The following TPCN1 variants were observed in gnomAD, a reference collection of about 807,000 sequenced individuals.
TPCN1 encodes two pore channel protein 1.
In TPCN1, 52 loss-of-function variants were observed where a neutral mutation model predicts 108.8. The ratio of observed to expected loss-of-function variants is 0.48; its 90% confidence interval spans 0.38 to 0.60. The LOEUF is 0.60. Ranked by LOEUF, TPCN1 falls within the 20% of genes least tolerant of loss-of-function variation. The pLI, the probability that TPCN1 is intolerant of heterozygous loss-of-function variation, is 0.00. For missense variants in TPCN1, 806 were observed against 1,072.8 expected (o/e 0.75, Z 3.47); for synonymous variants, 446 against 433.7 (o/e 1.03, Z -0.35).
intron 25 of TPCN1, 78 bp from the exon 26 acceptor site, chr12:113,292,856 G>C: frequency 6.5e-7 from 1 of 1,530,302 alleles, no homozygotes; most frequent in Non-Finnish European, 8.8e-7. Context: ...TGCGGAAGGG[G>C]GCAAGGAGGT....
chr12:113,256,284 T>C (rs1954828916), intron 2 of TPCN1, among the ~76,000 whole-genome samples: 1 of 151,948 alleles, frequency 6.6e-6, no homozygotes, highest in Non-Finnish European at 1.5e-5. Flanking sequence ...TTTTTTTACT[T>C]TTTAAATTTT....
At chr12:113,285,202 C>T (rs1428641705) in intron 17 of TPCN1, among the ~76,000 whole-genome samples, 1 of 152,224 alleles carries the variant, frequency 6.6e-6, no homozygotes, top group Non-Finnish European at 1.5e-5. Flanking sequence ...CTGTTGGCGT[C>T]TTTCCTCCCA....
At chr12:113,244,609 A>G in intron 2 of TPCN1, 1 of 985,198 alleles carries the variant, frequency 1.0e-6, no homozygotes, top group Non-Finnish European at 1.2e-6. Context: ...CATCAGTGTC[A>G]CTCTGGTTTA....
Position 113,221,599 on chromosome 12 carries a change from C to T in TPCN1, c.-153C>T, listed in dbSNP as rs1261102562. On this transcript the variant is annotated 5_prime_UTR_variant, in exon 1 of 28. Coordinates refer to ENST00000335509, the MANE Select transcript of TPCN1 (RefSeq NM_017901.6). ...AGGCTGCGCGGTGCGGACCCCGGCG[C>T]GCGGTCCGGGTTGCTGGGGCGGCGC... The T allele has an allele frequency of 1.1e-5, 2 of 181,262 alleles. No individual in the cohort carries two copies. Among genetic ancestry groups the T allele is most frequent in the Non-Finnish European group, 1.1e-5 (1 of 87,830 alleles). 11.2% of individuals were successfully genotyped at this position (181,262 alleles called of 1,614,324 possible).
intron 2 of TPCN1, among the ~76,000 whole-genome samples, chr12:113,242,038 C>T (rs1341523350): frequency 3.9e-5 from 6 of 152,096 alleles, no homozygotes; most frequent in Admixed American, 1.3e-4. Flanking sequence ...AGAAATTACC[C>T]GTGGACATCT....
chr12:113,251,590 G>A (rs1014582161), intron 2 of TPCN1, among the ~76,000 whole-genome samples: 1 of 152,268 alleles, frequency 6.6e-6, no homozygotes, highest in African/African-American at 2.4e-5. Context: ...CCCGTGGGGG[G>A]GCTCCAGCCA....
intron 13 of TPCN1, 31 bp downstream of exon 13, chr12:113,278,268 T>G: frequency 6.2e-7 from 1 of 1,606,176 alleles, no homozygotes; most frequent in Non-Finnish European, 8.5e-7. Flanking sequence ...ATAGAAGGAG[T>G]AGACAGAGAG....
At chr12:113,244,901 C>T (rs1035856101) in intron 2 of TPCN1, among the ~76,000 whole-genome samples, 19 of 152,038 alleles carry the variant, frequency 1.2e-4, no homozygotes, top group African/African-American at 4.3e-4. Context: ...GGTTCTGTTT[C>T]GTCTCACAGA....
intron 24 of TPCN1, 30 bp from the exon 25 acceptor site, chr12:113,291,844 C>CACA: frequency 6.3e-7 from 1 of 1,587,532 alleles, no homozygotes; most frequent in Non-Finnish European, 8.7e-7. Context: ...CCTCCCCTGC[C>CACA]TCTGCCCCTC....
At position 113,284,738 on chromosome 12, in the gene TPCN1, C is replaced by A. The variant is rs140244457; in HGVS notation, c.1420C>A (p.His474Asn). 1.2e-6 allele frequency: 2 copies of A among 1,614,116 alleles called. No individual in the cohort carries two copies. Among genetic ancestry groups the A allele is most frequent in the Non-Finnish European group, 1.7e-6 (2 of 1,180,052 alleles). The stretch of plus-strand genomic sequence containing the variant: ...TACAGGTGGGAACTTCTTCTCCAAG[C>A]ACGTGCCCTGGAGTTACCTCGTCTT... ...MLKGGNFFSK[H>N]VPWSYLVFLT... The change falls in exon 17 of 28, where the codon CAC (histidine) becomes AAC (asparagine). Residue 474 changes from histidine (H) to asparagine (N), a missense_variant. By Grantham distance (68) the His-to-Asn change is moderately conservative (BLOSUM62 1). Transcript: ENST00000335509. The surrounding 1 kb of genome is among the most constrained non-coding windows in gnomAD (Gnocchi z 4.1).
chr12:113,260,345 A>AT, intron 2 of TPCN1, 23 bp from the exon 3 acceptor site: 1 of 1,478,838 alleles, frequency 6.8e-7, no homozygotes, highest in Non-Finnish European at 9.0e-7. Flanking sequence ...TGCCAAGTGA[A>AT]TCTCTCTCCT....
Position 113,239,001 on chromosome 12 carries a change from G to A in TPCN1, c.112+12037G>A, listed in dbSNP as rs555184960. Reference sequence around the variant, plus strand: ...TAAAAAAAGTTAGCCAGGTGTGGTGGTGCACACCTGTAGTCTCAGCTCCTT... The same window carrying A: ...TAAAAAAAGTTAGCCAGGTGTGGTGATGCACACCTGTAGTCTCAGCTCCTT... On this transcript the variant is annotated intron_variant, in intron 2 of 27. Coordinates refer to ENST00000335509, the MANE Select transcript of TPCN1 (RefSeq NM_017901.6). Among the ~76,000 whole-genome samples, 371 of 152,192 alleles carry A rather than the reference G, an allele frequency of 2.4e-3. 4 individuals are homozygous for A. Among genetic ancestry groups the A allele is most frequent in the African/African-American group, 8.3e-3 (346 of 41,520 alleles).
intron 3 of TPCN1, among the ~76,000 whole-genome samples, chr12:113,263,406 A>C (rs1593146340): frequency 6.6e-6 from 1 of 152,130 alleles, no homozygotes; most frequent in Non-Finnish European, 1.5e-5. Context: ...AATTACAGGC[A>C]CCTGCCGCCA....
chr12:113,222,558 A>C (rs138515444), intron 1 of TPCN1, among the ~76,000 whole-genome samples: 1,601 of 152,326 alleles, frequency 0.011, 25 homozygotes, highest in African/African-American at 0.036. Flanking sequence ...CATGGGGGCA[A>C]AAATCACCCC....
chr12:113,274,686 G>C (rs1407649779), intron 10 of TPCN1, among the ~76,000 whole-genome samples: 1 of 152,176 alleles, frequency 6.6e-6, no homozygotes, highest in East Asian at 1.9e-4. Flanking sequence ...CTTTACATAT[G>C]AGGATGAAAT....
rs972462318 is a variant in TPCN1, at chr12:113,284,679, C to T, written c.1400-39C>T. 3.1e-6 allele frequency: 5 copies of T among 1,614,094 alleles called. No individual in the cohort carries two copies. The African/African-American group carries it at 6.7e-5, about 22-fold the overall frequency. On this transcript the variant is annotated intron_variant, in intron 16 of 27. Coordinates refer to ENST00000335509, the MANE Select transcript of TPCN1 (RefSeq NM_017901.6). The surrounding 1 kb of genome is among the most constrained non-coding windows in gnomAD (Gnocchi z 4.1). ...GACTGGCCGTGTCCTGGCCGGCACACCTGGCTTACCTGTGAGCTGCTACTT... is the reference window on the plus strand; with the variant it reads ...GACTGGCCGTGTCCTGGCCGGCACATCTGGCTTACCTGTGAGCTGCTACTT...
chr12:113,259,395 G>C (rs1317323816), intron 2 of TPCN1, among the ~76,000 whole-genome samples: 2 of 152,208 alleles, frequency 1.3e-5, no homozygotes, highest in African/African-American at 4.8e-5. Context: ...GTTGTTTACT[G>C]TGTGTAAACT....
intron 23 of TPCN1, among the ~76,000 whole-genome samples, chr12:113,291,311 G>A (rs1054261439): frequency 2.0e-5 from 3 of 152,246 alleles, no homozygotes; most frequent in African/African-American, 7.2e-5. Flanking sequence ...TAGTGACAAA[G>A]TGGCGAGCAT....
intron 2 of TPCN1, among the ~76,000 whole-genome samples, chr12:113,254,849 C>T (rs1262563865): frequency 6.6e-6 from 1 of 152,172 alleles, no homozygotes; most frequent in African/African-American, 2.4e-5. Flanking sequence ...ATGCAACACC[C>T]ATTCATGGTA....
Sources: gnomAD v4.1 joint callset for allele counts (sites outside exome capture counted in the v4.1 genomes callset) on GRCh38, gnomAD v4.1.1 for gene constraint, Gnocchi (gnomAD v3.1) non-coding constraint, MANE v1.5 for transcripts, NCBI Gene and HGNC (gene_info 2026-07-23, HGNC 2026-07-21) for gene names.